CTNNA3: variants seen among roughly 807,000 people sequenced by gnomAD.
The protein encoded by CTNNA3 is catenin alpha-3.
CTNNA3 carries 76 observed loss-of-function variants against 95.7 expected under a neutral mutation model. The ratio of observed to expected loss-of-function variants is 0.79; its 90% CI spans 0.66 to 0.96. CTNNA3 has a LOEUF of 0.96. CTNNA3 is among the 40% of genes least tolerant of loss of function. CTNNA3 has a pLI of 0.00. For synonymous variants in CTNNA3, 431 were observed against 374.4 expected (o/e 1.15, Z -1.74); for missense variants, 1,191 against 1,089.8 (o/e 1.09, Z -1.31).
chr10:67,004,098 A>G (rs1038468452), intron 7 of CTNNA3, among the ~76,000 whole-genome samples: 2 of 152,120 alleles, frequency 1.3e-5, no homozygotes, highest in Non-Finnish European at 2.9e-5. Context: ...GTTAAAAAAA[A>G]AAAGCCACCT....
intron 12 of CTNNA3, among the ~76,000 whole-genome samples, chr10:66,324,303 G>C (rs993693426): frequency 2.0e-5 from 3 of 152,074 alleles, no homozygotes; most frequent in African/African-American, 4.8e-5. Context: ...CTGAGCAACA[G>C]AGCGAGACTG....
chr10:66,511,708 C>A (rs897255732), intron 11 of CTNNA3, among the ~76,000 whole-genome samples: 4 of 151,770 alleles, frequency 2.6e-5, no homozygotes, highest in African/African-American at 9.7e-5. Context: ...TAATTATAAT[C>A]CACTGAAACC....
At chr10:66,729,102 G>T (rs1393378225) in intron 9 of CTNNA3, among the ~76,000 whole-genome samples, 1 of 152,096 alleles carries the variant, frequency 6.6e-6, no homozygotes, top group Non-Finnish European at 1.5e-5. Context: ...CTGTTCCATT[G>T]GTTTACATGT....
intron 16 of CTNNA3, among the ~76,000 whole-genome samples, chr10:65,987,420 G>A (rs2078451166): frequency 6.6e-6 from 1 of 151,870 alleles, no homozygotes; most frequent in Admixed American, 6.6e-5. Context: ...ACAGGTATAT[G>A]AAAAAATGTT....
At chr10:66,182,133 G>A (rs1223141909) in intron 13 of CTNNA3, among the ~76,000 whole-genome samples, 1 of 152,074 alleles carries the variant, frequency 6.6e-6, no homozygotes, top group Non-Finnish European at 1.5e-5. Flanking sequence ...TTGATTTTAT[G>A]GGGTCCCATT....
intron 5 of CTNNA3, among the ~76,000 whole-genome samples, chr10:67,247,054 T>A (rs1865935094): frequency 6.6e-6 from 1 of 152,164 alleles, no homozygotes; most frequent in Admixed American, 6.6e-5. Flanking sequence ...TCATAATTAA[T>A]AGTGAAAAAC....
chr10:66,061,208 A>G (rs561300860), intron 15 of CTNNA3, among the ~76,000 whole-genome samples: 1 of 152,256 alleles, frequency 6.6e-6, no homozygotes, highest in African/African-American at 2.4e-5. Flanking sequence ...CAAGGGGAAC[A>G]GAGATGCCTT....
Position 65,912,934 on chromosome 10 carries a change from T to C in CTNNA3, c.*7396A>G, listed in dbSNP as rs1465186684. 6.6e-6 allele frequency: 1 copy of C among 152,134 alleles called. No homozygotes were observed. Among genetic ancestry groups the C allele is most frequent in the Non-Finnish European group, 1.5e-5 (1 of 68,022 alleles). 9.4% of individuals were successfully genotyped at this position (152,134 alleles called of 1,614,324 possible). Reference sequence around the variant, plus strand: ...CACAAAACTGCTTTGAACTGGTCATTAATATAATGGGCAGTTCATTCAATC... The same window carrying C: ...CACAAAACTGCTTTGAACTGGTCATCAATATAATGGGCAGTTCATTCAATC... On this transcript the variant is annotated 3_prime_UTR_variant, in exon 18 of 18. Coordinates refer to ENST00000433211, the MANE Select transcript of CTNNA3 (RefSeq NM_013266.4).
At chr10:66,438,716 T>C (rs1012997502) in intron 11 of CTNNA3, among the ~76,000 whole-genome samples, 4 of 152,118 alleles carry the variant, frequency 2.6e-5, no homozygotes, top group Non-Finnish European at 5.9e-5. Flanking sequence ...TCTGTCTTGC[T>C]AGCATTCCAG....
At chr10:66,442,827 T>C (rs531191205) in intron 11 of CTNNA3, among the ~76,000 whole-genome samples, 1 of 152,270 alleles carries the variant, frequency 6.6e-6, no homozygotes, top group African/African-American at 2.4e-5. Flanking sequence ...GTGGGTGCAG[T>C]GCACCATGCA....
chr10:66,654,439 A>G (rs902438765), intron 9 of CTNNA3, among the ~76,000 whole-genome samples: 2 of 152,122 alleles, frequency 1.3e-5, no homozygotes, highest in African/African-American at 4.8e-5. Context: ...GGCTATTATC[A>G]AAAGGACCAA....
chr10:65,994,411 A>T (rs1274452955), intron 15 of CTNNA3, among the ~76,000 whole-genome samples: 1 of 151,456 alleles, frequency 6.6e-6, no homozygotes, highest in Non-Finnish European at 1.5e-5. Context: ...TGCTGGGTAT[A>T]GTGTTCTGGA....
intron 7 of CTNNA3, among the ~76,000 whole-genome samples, chr10:66,984,808 A>G (rs985318498): frequency 3.3e-5 from 5 of 152,212 alleles, no homozygotes; most frequent in African/African-American, 1.2e-4. Flanking sequence ...TCACTTTCAC[A>G]AAACTCACAA....
intron 6 of CTNNA3, among the ~76,000 whole-genome samples, chr10:67,193,320 G>A (rs1169399491): frequency 6.6e-6 from 1 of 151,900 alleles, no homozygotes; most frequent in Non-Finnish European, 1.5e-5. Context: ...ATTTAAAATT[G>A]TTTTAATTCA....
intron 7 of CTNNA3, among the ~76,000 whole-genome samples, chr10:67,137,095 C>T (rs960224886): frequency 5.3e-5 from 8 of 152,114 alleles, no homozygotes; most frequent in African/African-American, 1.7e-4. Flanking sequence ...GGAGGACAGA[C>T]CCGAAACATT....
At chr10:66,196,810 C>T (rs550333557) in intron 13 of CTNNA3, among the ~76,000 whole-genome samples, 26 of 150,554 alleles carry the variant, frequency 1.7e-4, no homozygotes, top group African/African-American at 6.3e-4. Flanking sequence ...CCAGTAGCAG[C>T]CAAGACACAC....
chr10:66,624,174 T>G (rs879700326), intron 9 of CTNNA3, among the ~76,000 whole-genome samples: 1 of 152,162 alleles, frequency 6.6e-6, no homozygotes, highest in Non-Finnish European at 1.5e-5. Context: ...ACAAACAGAT[T>G]TGGGTTTGAA....
intron 7 of CTNNA3, chr10:66,928,194 G>C: frequency 6.2e-7 from 1 of 1,614,088 alleles, no homozygotes; most frequent in Non-Finnish European, 8.5e-7. Flanking sequence ...GCAGCGTGGC[G>C]CTTTTCCTGT....
At chr10:67,744,890 C>T (rs1170346154) in intron 1 of CTNNA3, among the ~76,000 whole-genome samples, 3 of 151,900 alleles carry the variant, frequency 2.0e-5, no homozygotes, top group Non-Finnish European at 4.4e-5. Flanking sequence ...TTTATGCAGC[C>T]AAAAAACACA....
Sources: allele counts gnomAD v4.1 joint callset (sites outside exome capture counted in the v4.1 genomes callset), GRCh38; gene constraint gnomAD v4.1.1; transcripts MANE v1.5; gene names NCBI Gene and HGNC (gene_info 2026-07-23, HGNC 2026-07-21).